Variants in GSK3B observed in about 807,000 individuals in gnomAD.
GSK3B encodes the protein glycogen synthase kinase 3 beta, also known as glycogen synthase kinase-3 beta.
A neutral mutation model predicts 56.4 loss-of-function variants in GSK3B; 15 were observed. The observed-to-expected ratio is 0.27, with a 90% CI of 0.18 to 0.41. The LOEUF (loss-of-function observed/expected upper bound fraction) is 0.41. Ranked by LOEUF, GSK3B falls within the 10% of genes least tolerant of loss-of-function variation. The pLI, the probability that GSK3B is intolerant of heterozygous loss-of-function variation, is 1.00. For synonymous variants in GSK3B, 181 were observed against 188.9 expected, an observed-to-expected ratio of 0.96 and a Z score of 0.34; for missense variants, 300 against 513.4, an observed-to-expected ratio of 0.58 and a Z score of 4.02.
intron 2 of GSK3B, among the ~76,000 whole-genome samples, chr3:119,981,775 TA>T (rs2057465711): frequency 6.6e-6 from 1 of 152,232 alleles, no homozygotes; most frequent in South Asian, 2.1e-4. Flanking sequence ...CATAGCTGAA[TA>T]AAAGGCAGCA....
At chr3:120,016,227 T>TC (rs1290270748) in intron 1 of GSK3B, among the ~76,000 whole-genome samples, 1 of 152,106 alleles carries the variant, frequency 6.6e-6, no homozygotes, top group Non-Finnish European at 1.5e-5. Flanking sequence ...CTAGAATATA[T>TC]CCCCCAAAAG....
intron 2 of GSK3B, among the ~76,000 whole-genome samples, chr3:119,956,691 T>C (rs1372310882): frequency 1.3e-5 from 2 of 152,092 alleles, no homozygotes; most frequent in Non-Finnish European, 1.5e-5. Flanking sequence ...AAGTAGAACC[T>C]AGACAGTGGA....
Position 119,970,150 on chromosome 3 carries a change from G to A in GSK3B, c.283-22799C>T, listed in dbSNP as rs181623302. ...GATTTATAAACTTTACTATAGGTATGTATGTATACAAAAATGCAGTATATA... is the reference window on the plus strand; with the variant it reads ...GATTTATAAACTTTACTATAGGTATATATGTATACAAAAATGCAGTATATA... On this transcript the variant is annotated intron_variant, in intron 2 of 10. Transcript: ENST00000264235. Among the ~76,000 whole-genome samples the A allele has an allele frequency of 3.9e-5, 6 of 152,292 alleles. No homozygotes were observed. In the East Asian group the frequency reaches 1.2e-3, roughly 29 times the overall value.
intron 10 of GSK3B, among the ~76,000 whole-genome samples, chr3:119,838,086 G>A (rs995716737): frequency 1.3e-5 from 2 of 151,440 alleles, no homozygotes; most frequent in Middle Eastern, 3.4e-3. Context: ...CCAGGAGTTC[G>A]AGACCAGCCT....
At chr3:120,091,447 T>C (rs1464626648) in intron 1 of GSK3B, among the ~76,000 whole-genome samples, 1 of 152,218 alleles carries the variant, frequency 6.6e-6, no homozygotes, top group Non-Finnish European at 1.5e-5. Context: ...CCTTAGTTAG[T>C]ATCTGTATTA....
At chr3:119,986,915 T>C (rs187343950) in intron 2 of GSK3B, among the ~76,000 whole-genome samples, 241 of 151,960 alleles carry the variant, frequency 1.6e-3, no homozygotes, top group Middle Eastern at 3.4e-3. Flanking sequence ...TCACAAGACT[T>C]GGAACCAACG....
intron 1 of GSK3B, among the ~76,000 whole-genome samples, chr3:120,086,992 C>G (rs746094720): frequency 1.3e-5 from 2 of 152,002 alleles, no homozygotes; most frequent in Non-Finnish European, 2.9e-5. Context: ...TCTGTGATTT[C>G]AAAAAAACCC....
intron 2 of GSK3B, among the ~76,000 whole-genome samples, chr3:119,951,088 G>T (rs2107495831): frequency 6.6e-6 from 1 of 152,286 alleles, no homozygotes; most frequent in South Asian, 2.1e-4. Flanking sequence ...ATGTAATAAG[G>T]GGATACTGGA....
chr3:119,902,017 C>T (rs527305469), intron 7 of GSK3B, among the ~76,000 whole-genome samples: 42 of 152,068 alleles, frequency 2.8e-4, no homozygotes, highest in South Asian at 6.2e-4. Context: ...CAGTTTAATA[C>T]GAGTTCCCTA....
At chr3:119,963,625 C>CAAAAAAAAAAA (rs774359104) in intron 2 of GSK3B, among the ~76,000 whole-genome samples, 18 of 79,120 alleles carry the variant, frequency 2.3e-4, no homozygotes, top group African/African-American at 6.1e-4. Context: ...TTCTTCCCCA[C>CAAAAAAAAAAA]AAAAAAAAAA....
intron 3 of GSK3B, among the ~76,000 whole-genome samples, chr3:119,927,587 A>C (rs756335891): frequency 6.6e-6 from 1 of 152,228 alleles, no homozygotes; most frequent in Non-Finnish European, 1.5e-5. Flanking sequence ...TTTGAAGGAA[A>C]AATTATTTGA....
chr3:119,971,635 G>A (rs1428316443), intron 2 of GSK3B, among the ~76,000 whole-genome samples: 13 of 77,882 alleles, frequency 1.7e-4, no homozygotes, highest in Middle Eastern at 0.014. Flanking sequence ...TTTTTGAGAC[G>A]GAGTCTCGCT....
At chr3:119,901,076 C>A (rs917969722) in intron 7 of GSK3B, among the ~76,000 whole-genome samples, 1 of 152,108 alleles carries the variant, frequency 6.6e-6, no homozygotes, top group South Asian at 2.1e-4. Flanking sequence ...ACTGCTATGG[C>A]CAACTGCAGA....
chr3:119,993,286 T>A (rs1403052147), intron 2 of GSK3B, among the ~76,000 whole-genome samples: 1 of 151,880 alleles, frequency 6.6e-6, no homozygotes, highest in Non-Finnish European at 1.5e-5. Flanking sequence ...GAAATGACAC[T>A]AGATTTCTGA....
At chr3:120,029,521 T>G (rs772602009) in intron 1 of GSK3B, 82 of 629,198 alleles carry the variant, frequency 1.3e-4, no homozygotes, top group Non-Finnish European at 2.1e-4. Context: ...GTGTGTAAAG[T>G]TGCCACAGGA....
At chr3:120,033,709 G>T (rs1423055917) in intron 1 of GSK3B, among the ~76,000 whole-genome samples, 1 of 152,094 alleles carries the variant, frequency 6.6e-6, no homozygotes, top group East Asian at 1.9e-4. Context: ...CTTCCCCCTT[G>T]CTGTTCTTGT....
At chr3:120,051,131 T>C (rs558994026) in intron 1 of GSK3B, among the ~76,000 whole-genome samples, 1 of 149,364 alleles carries the variant, frequency 6.7e-6, no homozygotes, top group Admixed American at 6.6e-5. Flanking sequence ...CAATTTCTTT[T>C]TTTTTTTTTT....
At chr3:119,840,282 T>C (rs1186360405) in intron 10 of GSK3B, among the ~76,000 whole-genome samples, 1 of 151,364 alleles carries the variant, frequency 6.6e-6, no homozygotes. Flanking sequence ...TGGAGTGCAA[T>C]GGCACAATCT....
chr3:120,059,576 C>T (rs1576302278), intron 1 of GSK3B, among the ~76,000 whole-genome samples: 1 of 152,292 alleles, frequency 6.6e-6, no homozygotes, highest in South Asian at 2.1e-4. Flanking sequence ...AAGGAATATA[C>T]TTACAAACAC....
Sources: gnomAD v4.1 joint callset for allele counts (sites outside exome capture counted in the v4.1 genomes callset) on GRCh38, gnomAD v4.1.1 for gene constraint, MANE v1.5 for transcripts, NCBI Gene and HGNC (gene_info 2026-07-23, HGNC 2026-07-21) for gene names.